FAAH2: variants seen among roughly 807,000 people sequenced by gnomAD.
FAAH2 encodes the protein fatty acid amide hydrolase 2.
A neutral mutation model predicts 36.9 loss-of-function variants in FAAH2; 60 were observed. That is an observed-to-expected ratio of 1.63 (90% CI 1.32 to 2.02). FAAH2 has a LOEUF of 2.02. FAAH2 is among the 30% of genes most tolerant of loss of function. The pLI is 0.00. For synonymous variants in FAAH2, 214 were observed against 143.8 expected (o/e 1.49, Z -3.49); for missense variants, 689 against 397.5 (o/e 1.73, Z -6.23).
intron 10 of FAAH2, among the ~76,000 whole-genome samples, chrX:57,470,857 G>A (rs1390321845): frequency 2.7e-5 from 3 of 111,398 alleles, no homozygotes; most frequent in Non-Finnish European, 3.8e-5. Flanking sequence ...TAAAATACTG[G>A]CAAACCGAAT....
chrX:57,212,189 A>T, the FAAH2 span, among the ~76,000 whole-genome samples: 1 of 112,033 alleles, frequency 8.9e-6, no homozygotes, highest in Non-Finnish European at 1.9e-5. Flanking sequence ...AGCTGTGATT[A>T]TCCCACTGCA....
chrX:57,358,098 T>C (rs2054202956), intron 5 of FAAH2, among the ~76,000 whole-genome samples: 1 of 111,308 alleles, frequency 9.0e-6, no homozygotes, highest in Admixed American at 9.5e-5. Context: ...GTTGGCTTTA[T>C]AGTGTTCTTC....
the FAAH2 span, among the ~76,000 whole-genome samples, chrX:57,192,347 T>G: frequency 2.6e-4 from 29 of 111,978 alleles, no homozygotes; most frequent in Admixed American, 2.8e-4. Flanking sequence ...TAGTTTTTTT[T>G]TGTGGCATCT....
the FAAH2 span, among the ~76,000 whole-genome samples, chrX:57,214,143 T>C: frequency 8.9e-6 from 1 of 112,331 alleles, no homozygotes; most frequent in African/African-American, 3.2e-5. Context: ...TTTTGTTTCC[T>C]GTTTGCATGA....
At chrX:57,231,913 G>A in the FAAH2 span, among the ~76,000 whole-genome samples, 1 of 111,547 alleles carries the variant, frequency 9.0e-6, no homozygotes, top group Non-Finnish European at 1.9e-5. Context: ...CATGCTTTTG[G>A]TGGGCTAGGA....
At chrX:57,149,646 C>G in the FAAH2 span, among the ~76,000 whole-genome samples, 7 of 111,176 alleles carry the variant, frequency 6.3e-5, no homozygotes, top group Admixed American at 4.8e-4. Flanking sequence ...ATTCTTCTCT[C>G]TTTTCTTCTT....
the FAAH2 span, among the ~76,000 whole-genome samples, chrX:57,267,060 C>G: frequency 8.9e-6 from 1 of 111,906 alleles, no homozygotes; most frequent in Non-Finnish European, 1.9e-5. Context: ...AGGTGCCCTG[C>G]GAGCCCACAC....
chrX:57,194,085 ATTTGAGTAGGGTTGTATTAGT>A, the FAAH2 span, among the ~76,000 whole-genome samples: 1 of 111,641 alleles, frequency 9.0e-6, no homozygotes, highest in Admixed American at 9.5e-5. Context: ...TTTCAGAATC[ATTTGAGTAGGGTTGTATTAGT>A]TCTTCTTTAA....
At chrX:57,272,451 T>C in the FAAH2 span, among the ~76,000 whole-genome samples, 5 of 111,186 alleles carry the variant, frequency 4.5e-5, no homozygotes, top group African/African-American at 1.6e-4. Context: ...AGACACATAA[T>C]TGTCAGATTC....
chrX:57,374,691 G>A (rs1300547778), intron 5 of FAAH2, among the ~76,000 whole-genome samples: 2 of 111,547 alleles, frequency 1.8e-5, no homozygotes, highest in African/African-American at 6.5e-5. Context: ...CGATTTGGAT[G>A]CCCTTTATTT....
intron 2 of FAAH2, among the ~76,000 whole-genome samples, chrX:57,300,188 G>A (rs1319952782): frequency 5.4e-5 from 6 of 111,244 alleles, no homozygotes; most frequent in Non-Finnish European, 1.1e-4. Context: ...GAGGCATCAC[G>A]CTACCTGACT....
intron 7 of FAAH2, chrX:57,395,352 G>T: frequency 1.5e-6 from 1 of 688,227 alleles, no homozygotes; most frequent in Non-Finnish European, 2.3e-6. Flanking sequence ...TGATTCTTCA[G>T]TCTCGCCCTT....
At chrX:57,406,719 A>G (rs2055575232) in intron 7 of FAAH2, among the ~76,000 whole-genome samples, 1 of 112,730 alleles carries the variant, frequency 8.9e-6, no homozygotes, top group Non-Finnish European at 1.9e-5. Context: ...CTGCAGCCCA[A>G]AACATACAGT....
the FAAH2 span, among the ~76,000 whole-genome samples, chrX:57,234,322 A>G: frequency 9.0e-6 from 1 of 111,039 alleles, no homozygotes; most frequent in Non-Finnish European, 1.9e-5. Context: ...CATTCACCTC[A>G]CACACCAATT....
chrX:57,209,294 C>G, the FAAH2 span, among the ~76,000 whole-genome samples: 1 of 112,074 alleles, frequency 8.9e-6, no homozygotes, highest in East Asian at 2.8e-4. Flanking sequence ...TGAGTTTCAC[C>G]AGAAAAAAGC....
At chrX:57,485,451 C>A (rs12848430) in intron 10 of FAAH2, among the ~76,000 whole-genome samples, 58,407 of 110,453 alleles carry the variant, frequency 0.53, 13,751 homozygotes, top group Non-Finnish European at 0.73. Flanking sequence ...GTGTGGCATG[C>A]AGCAAACCTG....
intron 10 of FAAH2, among the ~76,000 whole-genome samples, chrX:57,469,282 C>T (rs927330914): frequency 1.8e-5 from 2 of 111,711 alleles, no homozygotes; most frequent in South Asian, 7.5e-4. Context: ...CTAAACGCTC[C>T]TATTAAAAGA....
intron 4 of FAAH2, among the ~76,000 whole-genome samples, chrX:57,336,184 T>C (rs956399288): frequency 3.6e-5 from 4 of 111,367 alleles, no homozygotes; most frequent in African/African-American, 1.3e-4. Context: ...ACTGATGACA[T>C]TGTCTTGTGA....
chrX:57,122,636 G>T, the FAAH2 span, among the ~76,000 whole-genome samples: 1 of 111,934 alleles, frequency 8.9e-6, no homozygotes, highest in Non-Finnish European at 1.9e-5. Context: ...TTTATTAAAA[G>T]GTAAAAAGCA....
Sources: gnomAD v4.1 joint callset for allele counts (sites outside exome capture counted in the v4.1 genomes callset) on GRCh38, gnomAD v4.1.1 for gene constraint, MANE v1.5 for transcripts, NCBI Gene and HGNC (gene_info 2026-07-23, HGNC 2026-07-21) for gene names.